CHD7: variants seen among roughly 807,000 people sequenced by gnomAD.
The protein encoded by CHD7 is chromodomain helicase DNA binding protein 7.
In CHD7, 24 loss-of-function variants were observed where a neutral mutation model predicts 307.3. That is an observed-to-expected ratio of 0.08 (90% CI 0.06 to 0.11). The LOEUF (loss-of-function observed/expected upper bound fraction) is 0.11. CHD7 is among the 10% of genes least tolerant of loss of function. The pLI, the probability that CHD7 is intolerant of heterozygous loss-of-function variation, is 1.00. For missense variants in CHD7, 3,106 were observed against 3,727.1 expected (o/e 0.83, Z 4.34); for synonymous variants, 1,363 against 1,349.9 (o/e 1.01, Z -0.21).
intron 1 of CHD7, among the ~76,000 whole-genome samples, chr8:60,702,279 A>G (rs1806802634): frequency 6.6e-6 from 1 of 152,220 alleles, no homozygotes; most frequent in South Asian, 2.1e-4. Context: ...TTCTACTTTA[A>G]TACTAATTTT....
Position 60,770,404 on chromosome 8 carries a change from G to A in CHD7, c.1666-10596G>A, listed in dbSNP as rs964758590. Among the ~76,000 whole-genome samples the A allele has an allele frequency of 2.1e-4, 32 of 152,228 alleles. 1 individual carries two copies. Among genetic ancestry groups the A allele is most frequent in the Admixed American group, 1.5e-3 (23 of 15,294 alleles). On this transcript the variant is annotated intron_variant, in intron 2 of 37. Transcript: ENST00000423902. Reference sequence around the variant, plus strand: ...ACAACACTGCTGTTTGTTTATTATTGCGTTATTAGTTAGTGAATGAACCTC... The same window carrying A: ...ACAACACTGCTGTTTGTTTATTATTACGTTATTAGTTAGTGAATGAACCTC...
intron 2 of CHD7, among the ~76,000 whole-genome samples, chr8:60,744,369 G>GACT (rs1406857516): frequency 2.0e-5 from 3 of 152,010 alleles, no homozygotes; most frequent in Non-Finnish European, 4.4e-5. Context: ...GGCCTTTGAG[G>GACT]ACAGTTTGGA....
At chr8:60,774,049 C>G (rs1810835264) in intron 2 of CHD7, among the ~76,000 whole-genome samples, 1 of 152,158 alleles carries the variant, frequency 6.6e-6, no homozygotes, top group Non-Finnish European at 1.5e-5. Flanking sequence ...AGAAGGACAG[C>G]AGTCTACTCC....
At chr8:60,772,016 C>T (rs1245408143) in intron 2 of CHD7, among the ~76,000 whole-genome samples, 1 of 152,262 alleles carries the variant, frequency 6.6e-6, no homozygotes, top group South Asian at 2.1e-4. Flanking sequence ...GCTTGAGGGT[C>T]GCAGGTCCCT....
At chr8:60,717,022 C>G (rs960022869) in intron 1 of CHD7, among the ~76,000 whole-genome samples, 1 of 138,604 alleles carries the variant, frequency 7.2e-6, no homozygotes, top group African/African-American at 2.6e-5. Context: ...CTTGTTACAT[C>G]TACCTTAAGC....
At chr8:60,821,288 A>G (rs191253440) in intron 9 of CHD7, among the ~76,000 whole-genome samples, 8 of 152,256 alleles carry the variant, frequency 5.3e-5, no homozygotes, top group Admixed American at 3.9e-4. Flanking sequence ...TTTGCTAGCT[A>G]TTTCTTTATA....
intron 1 of CHD7, among the ~76,000 whole-genome samples, chr8:60,720,386 A>G (rs1026773919): frequency 1.3e-4 from 20 of 152,254 alleles, no homozygotes; most frequent in African/African-American, 4.8e-4. Context: ...AGGCTGTATC[A>G]GTTCACATTC....
chr8:60,758,468 T>C (rs540957306), intron 2 of CHD7, among the ~76,000 whole-genome samples: 1 of 152,340 alleles, frequency 6.6e-6, no homozygotes, highest in Admixed American at 6.5e-5. Context: ...TACCACTGAC[T>C]TCTCAGAAAA....
chr8:60,741,898 A>G lies in CHD7; in HGVS notation c.466A>G (p.Ile156Val). ...GPRAVQVPDQ[I>V]RAPYQQQQPQ... ...CAGGGCTGTTCAGGTACCAGACCAG[A>G]TACGAGCCCCCTACCAGCAGCAGCA... The change falls in exon 2 of 38, where the codon ATA becomes GTA. Residue 156 changes from isoleucine (I) to valine (V), a missense_variant. Coordinates refer to ENST00000423902, the MANE Select transcript of CHD7 (RefSeq NM_017780.4). 1 of 1,613,300 alleles carries G rather than the reference A, an allele frequency of 6.2e-7. No individual in the cohort carries two copies. Among genetic ancestry groups the G allele is most frequent in the Non-Finnish European group, 8.5e-7 (1 of 1,179,656 alleles).
At chr8:60,759,702 G>A (rs1035323180) in intron 2 of CHD7, among the ~76,000 whole-genome samples, 2 of 152,178 alleles carry the variant, frequency 1.3e-5, no homozygotes, top group Non-Finnish European at 2.9e-5. Flanking sequence ...CACCATGTAA[G>A]CCTCTTCTTA....
chr8:60,812,866 A>G (rs978505520), intron 7 of CHD7, among the ~76,000 whole-genome samples: 2 of 151,978 alleles, frequency 1.3e-5, no homozygotes, highest in African/African-American at 4.8e-5. Context: ...TATCTGGTAG[A>G]TCTATTTCCC....
intron 24 of CHD7, 82 bp downstream of exon 24, chr8:60,848,686 C>A: frequency 1.9e-6 from 2 of 1,054,286 alleles, no homozygotes; most frequent in East Asian, 2.5e-5. Flanking sequence ...TGTTTCAGAA[C>A]CTTCATAAAC....
intron 1 of CHD7, among the ~76,000 whole-genome samples, chr8:60,727,016 C>T (rs1197218292): frequency 6.6e-6 from 1 of 152,210 alleles, no homozygotes; most frequent in Admixed American, 6.5e-5. Flanking sequence ...CAAATGCTTA[C>T]ATAGTGCTTT....
At chr8:60,778,101 G>T (rs1811038716) in intron 2 of CHD7, among the ~76,000 whole-genome samples, 2 of 145,762 alleles carry the variant, frequency 1.4e-5, no homozygotes, top group South Asian at 4.6e-4. Context: ...GGGGTGGGGG[G>T]TGGAGGGGGG....
At chr8:60,794,505 A>G (rs954540315) in intron 3 of CHD7, among the ~76,000 whole-genome samples, 3 of 152,230 alleles carry the variant, frequency 2.0e-5, no homozygotes, top group South Asian at 2.1e-4. Flanking sequence ...CTAAAAGATT[A>G]TAAGTTGAAC....
intron 3 of CHD7, among the ~76,000 whole-genome samples, chr8:60,790,123 G>A (rs1177601709): frequency 6.6e-6 from 1 of 152,206 alleles, no homozygotes; most frequent in African/African-American, 2.4e-5. Context: ...CTCAGAAAAT[G>A]TTCTCCATCT....
Position 60,786,081 on chromosome 8 carries a change from C to T in CHD7, c.2096+4651C>T, listed in dbSNP as rs868442307. Among the ~76,000 whole-genome samples, 8 of 152,334 alleles carry T rather than the reference C, an allele frequency of 5.3e-5. No homozygotes were observed. The South Asian group carries it at 1.7e-3, about 32-fold the overall frequency. On this transcript the variant is annotated intron_variant, in intron 3 of 37. Transcript: ENST00000423902. ...CTACCCAGTCTCTGGTTCATTAAAT[C>T]CAAGCTTGTGCTCCCTTTCCTGCTG...
At position 60,742,188 on chromosome 8, in the gene CHD7, G is replaced by A. The variant is rs371000762; in HGVS notation, c.756G>A (p.Ser252=). The change falls in exon 2 of 38, where the codon TCG becomes TCA. Residue 252 remains serine, a synonymous_variant. Coordinates refer to ENST00000423902, the MANE Select transcript of CHD7 (RefSeq NM_017780.4). The part of the protein sequence containing the change: ...SPSMAPSLRH[S]VQQFHHHPST... ...GCATGGCACCTTCCTTGCGTCACTC[G>A]GTGCAGCAGTTCCATCACCACCCCT... The A allele has an allele frequency of 5.0e-6, 8 of 1,613,708 alleles. No homozygotes were observed. The East Asian group carries it at 6.7e-5, about 13-fold the overall frequency.
At chr8:60,812,754 TA>T (rs1812874176) in intron 7 of CHD7, among the ~76,000 whole-genome samples, 2 of 151,858 alleles carry the variant, frequency 1.3e-5, no homozygotes, top group Admixed American at 6.5e-5. Context: ...TTATTTTATT[TA>T]TTTTTTTATT....
Sources: gnomAD v4.1 joint callset for allele counts (sites outside exome capture counted in the v4.1 genomes callset) on GRCh38, gnomAD v4.1.1 for gene constraint, MANE v1.5 for transcripts, NCBI Gene and HGNC (gene_info 2026-07-23, HGNC 2026-07-21) for gene names.